The following CIMIP1 variants were observed in gnomAD, a reference collection of about 807,000 sequenced individuals.
CIMIP1 encodes ciliary microtubule inner protein 1, also known as low in lung cancer 1.
the CIMIP1 span, chr20:58,160,697 G>A: frequency 1.9e-6 from 3 of 1,614,030 alleles, no homozygotes; most frequent in South Asian, 1.1e-5. Context: ...GACCACCCAG[G>A]GCTTCATCGG....
At chr20:58,160,871 C>T in the CIMIP1 span, 2 of 1,571,338 alleles carry the variant, frequency 1.3e-6, no homozygotes, top group South Asian at 2.3e-5. Flanking sequence ...TCACCAGGCA[C>T]CCAGGGCCAT....
At chr20:58,150,993 C>G in the CIMIP1 span, 1 of 1,609,034 alleles carries the variant, frequency 6.2e-7, no homozygotes, top group Non-Finnish European at 8.5e-7. Flanking sequence ...AGCACCGCGG[C>G]GGCTGAACGC....
At chr20:58,155,640 G>A in the CIMIP1 span, 4 of 1,258,194 alleles carry the variant, frequency 3.2e-6, no homozygotes, top group Non-Finnish European at 3.4e-6. Flanking sequence ...AGCCCCAGTG[G>A]AAACTGATGG....
chr20:58,157,460 C>T, the CIMIP1 span, among the ~76,000 whole-genome samples: 1 of 152,228 alleles, frequency 6.6e-6, no homozygotes, highest in East Asian at 1.9e-4. Context: ...TGTGCACATA[C>T]ACACATACTT....
At chr20:58,151,877 T>C in the CIMIP1 span, among the ~76,000 whole-genome samples, 3 of 152,228 alleles carry the variant, frequency 2.0e-5, no homozygotes, top group African/African-American at 7.2e-5. Context: ...TTGTCGTGGA[T>C]ATTTTAATTG....
At chr20:58,158,339 C>T in the CIMIP1 span, among the ~76,000 whole-genome samples, 1 of 152,218 alleles carries the variant, frequency 6.6e-6, no homozygotes, top group Non-Finnish European at 1.5e-5. Context: ...TCCCTCCAAA[C>T]TTCCTTTCTT....
the CIMIP1 span, among the ~76,000 whole-genome samples, chr20:58,154,793 T>A: frequency 6.6e-6 from 1 of 152,194 alleles, no homozygotes; most frequent in African/African-American, 2.4e-5. Flanking sequence ...GAAAACTTTT[T>A]GGCATTTTTT....
the CIMIP1 span, chr20:58,150,944 C>T: frequency 6.3e-6 from 10 of 1,592,948 alleles, no homozygotes; most frequent in South Asian, 1.1e-5. Flanking sequence ...GCTTGCGGGG[C>T]GCACAGAGCC....
At chr20:58,154,744 G>A in the CIMIP1 span, among the ~76,000 whole-genome samples, 1 of 152,136 alleles carries the variant, frequency 6.6e-6, no homozygotes, top group Non-Finnish European at 1.5e-5. Context: ...TTAAAAAGGG[G>A]AGTGGACGCT....
At chr20:58,156,714 G>A in the CIMIP1 span, among the ~76,000 whole-genome samples, 223 of 152,272 alleles carry the variant, frequency 1.5e-3, no homozygotes, top group Non-Finnish European at 2.0e-3. Flanking sequence ...CCTGCACCAC[G>A]GCGGACATGG....
chr20:58,156,957 A>G, the CIMIP1 span, among the ~76,000 whole-genome samples: 3 of 152,150 alleles, frequency 2.0e-5, no homozygotes. Flanking sequence ...TTTGGGGGGT[A>G]TGCATCTGTG....
chr20:58,159,711 G>C, the CIMIP1 span, among the ~76,000 whole-genome samples: 4 of 152,138 alleles, frequency 2.6e-5, no homozygotes, highest in Admixed American at 6.5e-5. Flanking sequence ...GGCCTGGCTG[G>C]ACAAACAGCT....
At chr20:58,151,891 T>G in the CIMIP1 span, among the ~76,000 whole-genome samples, 1 of 152,244 alleles carries the variant, frequency 6.6e-6, no homozygotes, top group African/African-American at 2.4e-5. Flanking sequence ...TTAATTGGCA[T>G]GCTATCTGCT....
the CIMIP1 span, among the ~76,000 whole-genome samples, chr20:58,151,714 A>G: frequency 2.0e-5 from 3 of 152,214 alleles, no homozygotes; most frequent in Non-Finnish European, 1.5e-5. Context: ...CGCCTGGCCA[A>G]ATTTTTTTTT....
At chr20:58,154,994 T>C in the CIMIP1 span, among the ~76,000 whole-genome samples, 4 of 152,206 alleles carry the variant, frequency 2.6e-5, no homozygotes, top group African/African-American at 9.7e-5. Context: ...TTTGAAGAGA[T>C]GGAGTCTTGC....
At chr20:58,155,227 T>C in the CIMIP1 span, among the ~76,000 whole-genome samples, 1 of 152,384 alleles carries the variant, frequency 6.6e-6, no homozygotes, top group East Asian at 1.9e-4. Flanking sequence ...GTCTCAGCTT[T>C]GGGTGCAGCA....
chr20:58,155,706 A>G, the CIMIP1 span: 3 of 687,604 alleles, frequency 4.4e-6, no homozygotes, highest in South Asian at 2.0e-5. Context: ...CCAGGTGCAG[A>G]GTCCAGGTCC....
the CIMIP1 span, among the ~76,000 whole-genome samples, chr20:58,156,170 A>T: frequency 2.0e-5 from 3 of 152,236 alleles, no homozygotes; most frequent in African/African-American, 7.2e-5. Context: ...GTCTGGGTCT[A>T]GAGAACCAAC....
chr20:58,155,443 C>G, the CIMIP1 span: 1 of 1,576,182 alleles, frequency 6.3e-7, no homozygotes, highest in Non-Finnish European at 8.7e-7. Flanking sequence ...CGTAAGACTT[C>G]CCATCTCTGG....
Sources: gnomAD v4.1 joint callset for allele counts (sites outside exome capture counted in the v4.1 genomes callset) on GRCh38, gnomAD v4.1.1 for gene constraint, MANE v1.5 for transcripts, NCBI Gene and HGNC (gene_info 2026-07-23, HGNC 2026-07-21) for gene names.